The following ATRNL1 variants were observed in gnomAD, a reference collection of about 807,000 sequenced individuals.
ATRNL1 encodes attractin like 1.
Under a neutral mutation model 182.7 loss-of-function variants are expected in ATRNL1, and 95 were observed. The ratio of observed to expected loss-of-function variants is 0.52; its 90% CI spans 0.44 to 0.62. ATRNL1 has a LOEUF of 0.62. Ranked by LOEUF, ATRNL1 falls within the 20% of genes least tolerant of loss-of-function variation. The pLI, the probability that ATRNL1 is intolerant of heterozygous loss-of-function variation, is 0.00. For missense variants in ATRNL1, 1,471 were observed against 1,679.5 expected (o/e 0.88, Z 2.17); for synonymous variants, 576 against 568.3 (o/e 1.01, Z -0.19).
chr10:115,722,838 G>A (rs1555058229), intron 26 of ATRNL1, among the ~76,000 whole-genome samples: 1 of 152,002 alleles, frequency 6.6e-6, no homozygotes, highest in Non-Finnish European at 1.5e-5. Context: ...TGCAAGACAG[G>A]TCCACAAAAC....
intron 20 of ATRNL1, among the ~76,000 whole-genome samples, chr10:115,395,993 C>T (rs1050616894): frequency 4.0e-4 from 61 of 151,690 alleles, no homozygotes; most frequent in African/African-American, 1.4e-3. Flanking sequence ...TTCTTCAAAA[C>T]TATAAATATA....
intron 26 of ATRNL1, among the ~76,000 whole-genome samples, chr10:115,717,211 A>C (rs368236933): frequency 1.3e-5 from 2 of 152,176 alleles, no homozygotes; most frequent in South Asian, 2.1e-4. Flanking sequence ...ATGATGTCTT[A>C]AATAACTTTA....
chr10:115,869,963 CCTTTTT>C (rs2134413448), intron 28 of ATRNL1, among the ~76,000 whole-genome samples: 3 of 111,134 alleles, frequency 2.7e-5, no homozygotes, highest in Non-Finnish European at 1.6e-5. Context: ...TGTTCCCAGA[CCTTTTT>C]TTTTTTTTTT....
At chr10:115,451,640 G>A (rs1191425031) in intron 21 of ATRNL1, among the ~76,000 whole-genome samples, 1 of 152,116 alleles carries the variant, frequency 6.6e-6, no homozygotes, top group Non-Finnish European at 1.5e-5. Flanking sequence ...GGAGAAAAGG[G>A]AGCACTCATA....
intron 17 of ATRNL1, among the ~76,000 whole-genome samples, chr10:115,314,861 T>C (rs1854215234): frequency 6.6e-6 from 1 of 152,148 alleles, no homozygotes; most frequent in African/African-American, 2.4e-5. Context: ...AAATGAGTCA[T>C]GGAGTGTTAT....
chr10:115,928,444 T>G (rs1266378145), intron 28 of ATRNL1, among the ~76,000 whole-genome samples: 1 of 152,048 alleles, frequency 6.6e-6, no homozygotes, highest in Non-Finnish European at 1.5e-5. Context: ...AAGCTTTTCC[T>G]TACATAAAAT....
At chr10:115,241,949 G>A (rs540722760) in intron 10 of ATRNL1, among the ~76,000 whole-genome samples, 1 of 151,988 alleles carries the variant, frequency 6.6e-6, no homozygotes, top group East Asian at 1.9e-4. Context: ...AATACAAAAA[G>A]CTAGATTTGG....
chr10:115,479,963 C>T (rs974312298), intron 24 of ATRNL1, among the ~76,000 whole-genome samples: 2 of 151,156 alleles, frequency 1.3e-5, no homozygotes, highest in South Asian at 4.1e-4. Context: ...CTGGCTTTGA[C>T]AATTCACTAT....
intron 19 of ATRNL1, among the ~76,000 whole-genome samples, chr10:115,374,151 T>C (rs1400045362): frequency 2.6e-5 from 4 of 151,816 alleles, no homozygotes; most frequent in Non-Finnish European, 5.9e-5. Flanking sequence ...TATTTGTTGA[T>C]ATAAAATTGT....
At chr10:115,541,981 C>A (rs1852385428) in intron 25 of ATRNL1, among the ~76,000 whole-genome samples, 4 of 152,024 alleles carry the variant, frequency 2.6e-5, no homozygotes, top group Admixed American at 2.6e-4. Context: ...AAATTTTTGT[C>A]CTAACTATAT....
At chr10:115,413,452 C>T (rs782331751) in intron 20 of ATRNL1, among the ~76,000 whole-genome samples, 2 of 152,150 alleles carry the variant, frequency 1.3e-5, no homozygotes, top group Non-Finnish European at 2.9e-5. Context: ...TAGACTCCTT[C>T]ACATTTACCA....
chr10:115,223,122 A>G (rs1849534703), intron 9 of ATRNL1, among the ~76,000 whole-genome samples: 1 of 152,138 alleles, frequency 6.6e-6, no homozygotes. Flanking sequence ...TCCACTAAAA[A>G]TACAAAAAAT....
intron 26 of ATRNL1, among the ~76,000 whole-genome samples, chr10:115,611,519 T>G (rs1326833187): frequency 6.6e-6 from 1 of 152,162 alleles, no homozygotes; most frequent in African/African-American, 2.4e-5. Context: ...TATAAATTAT[T>G]TATTAACTAC....
At chr10:115,934,271 T>C (rs749451190) in intron 28 of ATRNL1, among the ~76,000 whole-genome samples, 1 of 152,198 alleles carries the variant, frequency 6.6e-6, no homozygotes, top group African/African-American at 2.4e-5. Context: ...TGTTAAACCC[T>C]TGAGATTTCA....
chr10:115,648,632 G>A (rs1275838840), intron 26 of ATRNL1, among the ~76,000 whole-genome samples: 2 of 152,038 alleles, frequency 1.3e-5, no homozygotes, highest in African/African-American at 2.4e-5. Context: ...ATGGAACAGA[G>A]CCCTCAGAGA....
Position 115,597,423 on chromosome 10 carries a change from A to G in ATRNL1, c.3795+47887A>G, listed in dbSNP as rs114305821. ...TGATGACACAATTTTAGAAAATTGT[A>G]TTTTTAGATTTACTAAATATTTATC... On this transcript the variant is annotated intron_variant, in intron 26 of 28. Coordinates refer to ENST00000355044, the MANE Select transcript of ATRNL1 (RefSeq NM_207303.4). 7.1e-3 allele frequency among the ~76,000 whole-genome samples: 1,083 copies of G among 152,276 alleles called. 13 individuals are homozygous for G. Among genetic ancestry groups the G allele is most frequent in the African/African-American group, 0.025 (1,030 of 41,550 alleles).
intron 26 of ATRNL1, among the ~76,000 whole-genome samples, chr10:115,618,019 C>G (rs1305908818): frequency 2.0e-5 from 3 of 152,100 alleles, no homozygotes; most frequent in Non-Finnish European, 4.4e-5. Context: ...TGTGTAGCAC[C>G]TCCCCCATCT....
chr10:115,117,200 A>G lies in ATRNL1; in HGVS notation c.294-2985A>G, dbSNP rs113770989. On this transcript the variant is annotated intron_variant, in intron 1 of 28. Transcript: ENST00000355044. ...TCAAGCATGTATCCTTTGTGTTACAAACAATCCAATTATACTCTCAGTTAT... is the reference window on the plus strand; with the variant it reads ...TCAAGCATGTATCCTTTGTGTTACAGACAATCCAATTATACTCTCAGTTAT... Among the ~76,000 whole-genome samples, 895 of 152,214 alleles carry G rather than the reference A, an allele frequency of 5.9e-3. 6 individuals carry two copies. The highest frequency in any genetic ancestry group is 9.2e-3 in the Non-Finnish European group (628 of 67,972).
chr10:115,549,475 T>A lies in ATRNL1; in HGVS notation c.3734T>A (p.Leu1245Ter). 6.2e-7 allele frequency: 1 copy of A among 1,603,010 alleles called. No individual in the cohort carries two copies. Among genetic ancestry groups the A allele is most frequent in the Non-Finnish European group, 8.5e-7 (1 of 1,174,144 alleles). Residue 1245 changes from leucine to a stop codon, truncating the protein, a stop_gained, in exon 26 of 29, where the codon TTG becomes TAG. Transcript: ENST00000355044. LOFTEE classifies it high-confidence loss of function. ...TTTTCCAGTTGTTTCCTATCCTTATTGCTGGTGGCTGCTGTGGTATGGAAG... is the reference window on the plus strand; with the variant it reads ...TTTTCCAGTTGTTTCCTATCCTTATAGCTGGTGGCTGCTGTGGTATGGAAG... ...VTFFSCFLSL[L>*]LVAAVVWKIK...
Sources: allele counts gnomAD v4.1 joint callset (sites outside exome capture counted in the v4.1 genomes callset), GRCh38; gene constraint gnomAD v4.1.1; transcripts MANE v1.5; gene names NCBI Gene and HGNC (gene_info 2026-07-23, HGNC 2026-07-21).